Variants in BPIFB4 observed in about 807,000 individuals in gnomAD.
BPIFB4 encodes the protein BPI fold-containing family B member 4.
In BPIFB4, 62 loss-of-function variants were observed where a neutral mutation model predicts 69.2. The observed-to-expected ratio is 0.90, with a 90% CI of 0.73 to 1.11. The LOEUF (loss-of-function observed/expected upper bound fraction) is 1.11, where lower values mean the gene tolerates loss of function less well. Among genes scored for constraint, BPIFB4 ranks in the 50% least tolerant of loss-of-function variants. BPIFB4 has a pLI of 0.00. For synonymous variants in BPIFB4, 330 were observed against 332.7 expected (o/e 0.99, Z 0.09); for missense variants, 789 against 792.0 (o/e 1.00, Z 0.04).
chr20:33,103,820 C>T (rs985523924), intron 15 of BPIFB4, among the ~76,000 whole-genome samples: 1 of 152,168 alleles, frequency 6.6e-6, no homozygotes, highest in Non-Finnish European at 1.5e-5. Context: ...GGATAAACTG[C>T]CCAAGGCTTC....
At chr20:33,090,415 A>T (rs548569570) in intron 9 of BPIFB4, among the ~76,000 whole-genome samples, 22 of 152,260 alleles carry the variant, frequency 1.4e-4, no homozygotes, top group Admixed American at 9.8e-4. Flanking sequence ...TACAAAGCTC[A>T]TCAACATCCA....
chr20:33,109,035 G>A (rs1347052919), intron 17 of BPIFB4, among the ~76,000 whole-genome samples: 1 of 152,108 alleles, frequency 6.6e-6, no homozygotes, highest in Non-Finnish European at 1.5e-5. Flanking sequence ...CAATGACCTT[G>A]GATGGGCAGT....
intron 17 of BPIFB4, among the ~76,000 whole-genome samples, chr20:33,110,560 T>C (rs1982205344): frequency 6.6e-6 from 1 of 152,182 alleles, no homozygotes; most frequent in South Asian, 2.1e-4. Context: ...TCCCACTAAT[T>C]TTTGCCATTC....
intron 3 of BPIFB4, 79 bp downstream of exon 3, chr20:33,081,711 CT>C: frequency 2.0e-6 from 3 of 1,522,398 alleles, no homozygotes; most frequent in Non-Finnish European, 2.7e-6. Flanking sequence ...ACCCAGGAAC[CT>C]CCTCCTGCTA....
At chr20:33,100,013 C>T (rs1394741635) in intron 13 of BPIFB4, among the ~76,000 whole-genome samples, 2 of 152,030 alleles carry the variant, frequency 1.3e-5, no homozygotes, top group Admixed American at 6.6e-5. Flanking sequence ...TGCCCAATCT[C>T]GTCATCTAAA....
chr20:33,083,914 A>G, intron 5 of BPIFB4, 40 bp downstream of exon 5: 1 of 1,551,876 alleles, frequency 6.4e-7, no homozygotes, highest in Non-Finnish European at 8.7e-7. Flanking sequence ...GCCCCCATAC[A>G]CCTCCAAATG....
chr20:33,107,923 G>A, intron 17 of BPIFB4, 103 bp downstream of exon 17: 1 of 992,742 alleles, frequency 1.0e-6, no homozygotes, highest in South Asian at 1.4e-5. Flanking sequence ...AAGAGAAGAG[G>A]AGGGAAGGGG....
At chr20:33,110,942 A>G (rs1001181737) in intron 17 of BPIFB4, among the ~76,000 whole-genome samples, 2 of 151,574 alleles carry the variant, frequency 1.3e-5, no homozygotes, top group African/African-American at 2.4e-5. Flanking sequence ...CAGCCTCCCA[A>G]GTAGCTGGAA....
chr20:33,092,782 A>T, intron 11 of BPIFB4, 124 bp downstream of exon 11: 1 of 875,586 alleles, frequency 1.1e-6, no homozygotes, highest in African/African-American at 1.6e-5. Context: ...CCACCCCTTG[A>T]CTCACCTCCA....
At chr20:33,100,968 C>T (rs1218732894) in intron 14 of BPIFB4, among the ~76,000 whole-genome samples, 2 of 152,080 alleles carry the variant, frequency 1.3e-5, no homozygotes, top group Admixed American at 6.5e-5. Flanking sequence ...AGGCAGGAGC[C>T]CAGGAGCTTG....
chr20:33,090,064 C>T (rs919898892), intron 9 of BPIFB4, among the ~76,000 whole-genome samples: 5 of 152,236 alleles, frequency 3.3e-5, no homozygotes, highest in Non-Finnish European at 5.9e-5. Flanking sequence ...AAAGCAAGCC[C>T]GCCCTGTATG....
intron 2 of BPIFB4, among the ~76,000 whole-genome samples, chr20:33,080,831 C>T (rs1034840120): frequency 1.3e-5 from 2 of 151,834 alleles, no homozygotes; most frequent in African/African-American, 2.4e-5. Flanking sequence ...GGATATATGG[C>T]TTGCCAGCTG....
intron 13 of BPIFB4, among the ~76,000 whole-genome samples, chr20:33,099,914 A>G (rs1981859943): frequency 7.8e-6 from 1 of 128,222 alleles, no homozygotes; most frequent in African/African-American, 2.9e-5. Flanking sequence ...TCCTACAAAA[A>G]GGCCTCTACT....
intron 16 of BPIFB4, among the ~76,000 whole-genome samples, chr20:33,106,265 A>G (rs1008986699): frequency 7.9e-5 from 12 of 152,188 alleles, no homozygotes; most frequent in African/African-American, 1.4e-4. Flanking sequence ...GGCAGAGTCA[A>G]TGGCTAGGGC....
intron 12 of BPIFB4, among the ~76,000 whole-genome samples, chr20:33,095,996 A>C (rs1981743029): frequency 6.6e-6 from 1 of 152,134 alleles, no homozygotes; most frequent in Non-Finnish European, 1.5e-5. Flanking sequence ...TGATGGCTGC[A>C]ATCTATAGCC....
At position 33,084,951 on chromosome 20, in the gene BPIFB4, G is replaced by T; in HGVS notation, c.737G>T (p.Gly246Val). ...TCCGTGCGGCTCCTGCCCGGCGTGG[G>T]TGTCTACCTGAGCTTGTACACCCGT... ...RVSVRLLPGVGVYLSLYTRVA... is the reference protein window; with the variant it reads ...RVSVRLLPGVVVYLSLYTRVA... The change falls in exon 6 of 18, where the codon GGT becomes GTT. Residue 246 changes from glycine to valine, a missense_variant. By Grantham distance (109) the Gly-to-Val change is moderately radical. Coordinates refer to ENST00000375483, the MANE Select transcript of BPIFB4 (RefSeq NM_182519.3). 1 of 1,611,840 alleles carries T rather than the reference G, an allele frequency of 6.2e-7. No individual in the cohort carries two copies. Among genetic ancestry groups the T allele is most frequent in the Admixed American group, 1.7e-5 (1 of 60,018 alleles).
chr20:33,089,939 A>G (rs1197156948), intron 9 of BPIFB4, among the ~76,000 whole-genome samples: 1 of 152,200 alleles, frequency 6.6e-6, no homozygotes, highest in East Asian at 1.9e-4. Context: ...AAATCTCTCA[A>G]TTCACAGAGG....
intron 13 of BPIFB4, 67 bp from the exon 14 acceptor site, chr20:33,100,359 G>C: frequency 7.3e-7 from 1 of 1,375,998 alleles, no homozygotes; most frequent in South Asian, 1.2e-5. Flanking sequence ...GGCACACAAT[G>C]AGCCTTTGGC....
intron 15 of BPIFB4, among the ~76,000 whole-genome samples, chr20:33,103,685 G>A (rs1044137841): frequency 6.9e-6 from 1 of 144,402 alleles, no homozygotes; most frequent in African/African-American, 2.6e-5. Context: ...TCTGGGACAA[G>A]CTTGGATGAG....
Sources: allele counts gnomAD v4.1 joint callset (sites outside exome capture counted in the v4.1 genomes callset), GRCh38; gene constraint gnomAD v4.1.1; transcripts MANE v1.5; gene names NCBI Gene and HGNC (gene_info 2026-07-23, HGNC 2026-07-21).